Variants in SLC24A2 observed in about 807,000 individuals in gnomAD.
SLC24A2 encodes sodium/potassium/calcium exchanger 2.
SLC24A2 carries 36 observed loss-of-function variants against 62.0 expected under a neutral mutation model. That is an observed-to-expected ratio of 0.58 (90% CI 0.44 to 0.77). The LOEUF (loss-of-function observed/expected upper bound fraction) is 0.77. SLC24A2 is among the 30% of genes least tolerant of loss of function. SLC24A2 has a pLI of 0.00. For missense variants in SLC24A2, 846 were observed against 817.9 expected, an observed-to-expected ratio of 1.03 and a Z score of -0.42; for synonymous variants, 358 against 294.0, an observed-to-expected ratio of 1.22 and a Z score of -2.23.
At chr9:19,790,746 A>G (rs549834143), upstream of SLC24A2, among the ~76,000 whole-genome samples, 380 of 152,292 alleles carry the variant, frequency 2.5e-3, no homozygotes, top group African/African-American at 8.6e-3. Context: ...TGGGTAACCA[A>G]TTAGGCTTTA....
chr9:19,721,946 CTT>C (rs1420849814), intron 2 of SLC24A2, among the ~76,000 whole-genome samples: 1 of 152,066 alleles, frequency 6.6e-6, no homozygotes, highest in Non-Finnish European at 1.5e-5. Context: ...TTCAAACTCT[CTT>C]TGTCTGTCTT....
intron 2 of SLC24A2, among the ~76,000 whole-genome samples, chr9:19,781,413 T>G (rs1823017870): frequency 6.6e-6 from 1 of 152,086 alleles, no homozygotes; most frequent in Non-Finnish European, 1.5e-5. Context: ...TGACTCCAGT[T>G]CTCTAGGATT....
intron 8 of SLC24A2, among the ~76,000 whole-genome samples, chr9:19,535,964 C>T (rs1178080225): frequency 6.7e-6 from 1 of 150,300 alleles, no homozygotes; most frequent in South Asian, 2.1e-4. Flanking sequence ...GTGATTCTTC[C>T]TATCCATGAG....
At chr9:19,963,803 C>G in the SLC24A2 span, among the ~76,000 whole-genome samples, 7 of 152,134 alleles carry the variant, frequency 4.6e-5, no homozygotes. Flanking sequence ...TTGTGGAAGT[C>G]AGTGTGGCGA....
intron 2 of SLC24A2, among the ~76,000 whole-genome samples, chr9:19,711,278 G>T (rs1820708000): frequency 6.6e-6 from 1 of 152,222 alleles, no homozygotes; most frequent in African/African-American, 2.4e-5. Context: ...GACGGCTAAA[G>T]TTGTATGTGC....
chr9:20,078,252 T>C, the SLC24A2 span, among the ~76,000 whole-genome samples: 7 of 152,128 alleles, frequency 4.6e-5, no homozygotes, highest in African/African-American at 1.2e-4. Context: ...AACCTCCTCA[T>C]GAGCTTGTTT....
At position 19,510,295 on chromosome 9, in the gene SLC24A2, A is replaced by G. The variant is rs954660117; in HGVS notation, c.*5858T>C. On this transcript the variant is annotated 3_prime_UTR_variant, in exon 11 of 11. Coordinates refer to ENST00000341998, the MANE Select transcript of SLC24A2 (RefSeq NM_020344.4). ...TAAAAAGGCTTAGTAGAGAGGAACT[A>G]TAAAAATTATTAAGAGGGTTAAAGA... 1.3e-5 allele frequency: 2 copies of G among 152,166 alleles called. No homozygotes were observed. The highest frequency in any genetic ancestry group is 2.9e-5 in the Non-Finnish European group (2 of 68,034). 9.4% of individuals were successfully genotyped at this position (152,166 alleles called of 1,614,324 possible).
At chr9:20,249,668 G>A in the SLC24A2 span, among the ~76,000 whole-genome samples, 1 of 131,538 alleles carries the variant, frequency 7.6e-6, no homozygotes, top group African/African-American at 3.1e-5. Flanking sequence ...TTGCACCATT[G>A]CACTCCAGCC....
the SLC24A2 span, among the ~76,000 whole-genome samples, chr9:20,294,290 G>A: frequency 6.6e-6 from 1 of 151,980 alleles, no homozygotes; most frequent in South Asian, 2.1e-4. Flanking sequence ...ACCCAACCCT[G>A]CCACATTTCT....
intron 2 of SLC24A2, among the ~76,000 whole-genome samples, chr9:19,644,154 T>C (rs951704125): frequency 6.6e-6 from 1 of 152,008 alleles, no homozygotes; most frequent in Non-Finnish European, 1.5e-5. Context: ...GAGAATAAGG[T>C]GGAGTGTTAG....
the SLC24A2 span, among the ~76,000 whole-genome samples, chr9:20,205,338 A>C: frequency 1.3e-5 from 2 of 152,114 alleles, no homozygotes; most frequent in Non-Finnish European, 2.9e-5. Flanking sequence ...TTTTATGTGA[A>C]AGAATGACTT....
chr9:19,573,485 AACACACACACACACACACACACAC>A lies in SLC24A2; in HGVS notation c.1229-40_1229-17del, dbSNP rs59489637. 0.084 allele frequency: 68,397 copies of A among 816,146 alleles called. 3,445 individuals are homozygous for A. The highest frequency in any genetic ancestry group is 0.093 in the Non-Finnish European group (45,298 of 486,112). 50.6% of individuals were successfully genotyped at this position (816,146 alleles called of 1,614,324 possible). ...TCAATTTTTTCTGTGATATAATTTAAACACACACACACACACACACACACACACACACACACACACACACAGAGA... is the reference window on the plus strand; with the variant it reads ...TCAATTTTTTCTGTGATATAATTTAAACACACACACACACACACACAGAGA... On this transcript the variant is annotated splice_polypyrimidine_tract_variant and intron_variant, in intron 6 of 10. Transcript: ENST00000341998.
chr9:19,573,329 G>C lies in SLC24A2; in HGVS notation c.1347+22C>G, dbSNP rs186518220. ...ATCAGTTAAGAACAACAGCCCAGAA[G>C]AGCAATGGAGAAAAGCCATACCTGG... On this transcript the variant is annotated intron_variant, in intron 7 of 10. Coordinates refer to ENST00000341998, the MANE Select transcript of SLC24A2 (RefSeq NM_020344.4). 54 of 1,452,622 alleles carry C rather than the reference G, an allele frequency of 3.7e-5. No homozygotes were observed. In the East Asian group the frequency reaches 1.2e-3, roughly 31 times the overall value. The allele number at this position is 1,452,622 out of a possible 1,614,324, so 90.0% of individuals were successfully genotyped here.
At chr9:20,232,798 G>A in the SLC24A2 span, among the ~76,000 whole-genome samples, 49 of 151,138 alleles carry the variant, frequency 3.2e-4, no homozygotes, top group Admixed American at 6.6e-4. Context: ...TGCTTTTCTC[G>A]TTCTTTTAAG....
the SLC24A2 span, among the ~76,000 whole-genome samples, chr9:19,902,172 G>T: frequency 1.3e-5 from 2 of 152,176 alleles, no homozygotes; most frequent in African/African-American, 4.8e-5. Context: ...TGCAAAAAGG[G>T]AAGGGGTATA....
the SLC24A2 span, among the ~76,000 whole-genome samples, chr9:20,180,141 A>C: frequency 6.6e-6 from 1 of 152,188 alleles, no homozygotes; most frequent in East Asian, 1.9e-4. Flanking sequence ...ATCTCTCTTT[A>C]AATTCCACAA....
chr9:19,540,630 C>T (rs1834204775), intron 8 of SLC24A2, among the ~76,000 whole-genome samples: 1 of 145,372 alleles, frequency 6.9e-6, no homozygotes, highest in Non-Finnish European at 1.5e-5. Flanking sequence ...TCTCTGGCTG[C>T]CCTTAACATT....
At chr9:20,056,626 A>G in the SLC24A2 span, among the ~76,000 whole-genome samples, 1 of 152,142 alleles carries the variant, frequency 6.6e-6, no homozygotes, top group Non-Finnish European at 1.5e-5. Context: ...CTGTTGAATA[A>G]CTCTCAGTGG....
intron 2 of SLC24A2, among the ~76,000 whole-genome samples, chr9:19,734,646 A>T (rs1283940540): frequency 6.6e-6 from 1 of 152,150 alleles, no homozygotes; most frequent in Non-Finnish European, 1.5e-5. Context: ...CTCTTTGAAG[A>T]ATTGTGAATG....
Sources: gnomAD v4.1 joint callset for allele counts (sites outside exome capture counted in the v4.1 genomes callset) on GRCh38, gnomAD v4.1.1 for gene constraint, MANE v1.5 for transcripts, NCBI Gene and HGNC (gene_info 2026-07-23, HGNC 2026-07-21) for gene names.